The following HSF4 variants were observed in gnomAD, a reference collection of about 807,000 sequenced individuals.
HSF4 encodes the protein heat shock factor protein 4.
Under a neutral mutation model 52.0 loss-of-function variants are expected in HSF4, and 41 were observed. The observed-to-expected ratio is 0.79, with a 90% CI of 0.61 to 1.02. The LOEUF (loss-of-function observed/expected upper bound fraction) is 1.02. Ranked by LOEUF, HSF4 falls within the 50% of genes least tolerant of loss-of-function variation. The pLI, the probability that HSF4 is intolerant of heterozygous loss-of-function variation, is 0.00. For synonymous variants in HSF4, 285 were observed against 273.0 expected (o/e 1.04, Z -0.43); for missense variants, 610 against 651.1 (o/e 0.94, Z 0.69).
chr16:67,167,312 A>T (rs770957045), intron 7 of HSF4, 90 bp downstream of exon 7: 3 of 1,609,332 alleles, frequency 1.9e-6, no homozygotes, highest in Non-Finnish European at 2.5e-6. Context: ...GGAAGAGAAG[A>T]TGGAAGCCAG....
Position 67,166,080 on chromosome 16 carries a change from C to A in HSF4, c.485+10C>A, listed in dbSNP as rs1180704981. ...TGCGGGAGCTCAGGCAGTGCGGGGG[C>A]GGGCGGGGAAAGAGGGGACAGGGGT... On this transcript the variant is annotated intron_variant, in intron 4 of 12. Transcript: ENST00000521374. The A allele has an allele frequency of 9.9e-6, 3 of 301,540 alleles. No homozygotes were observed. The highest frequency in any genetic ancestry group is 1.6e-5 in the Non-Finnish European group (3 of 186,854). The allele number at this position is 301,540 out of a possible 1,614,324, so 18.7% of individuals were successfully genotyped here.
intron 9 of HSF4, 38 bp downstream of exon 9, chr16:67,167,985 A>G: frequency 6.7e-7 from 1 of 1,481,870 alleles, no homozygotes; most frequent in Non-Finnish European, 9.2e-7. Context: ...GCCCTGTGAT[A>G]GAACAGCCCT....
chr16:67,168,856 G>C lies in HSF4; in HGVS notation c.1108G>C (p.Asp370His), dbSNP rs1314914587. ...DRGPLGLESG[D>H]RSPESLLPPM... is the part of the protein sequence containing the mutation. ...GGGGCCTCTGGGCCTGGAAAGCGGG[G>C]ACAGGAGCCCAGAGAGTCTGCTGCC... Residue 370 changes from aspartate (D) to histidine (H), a missense_variant, in exon 10 of 13, where the codon GAC becomes CAC. Physicochemically the swap from Asp to His is moderately conservative, Grantham distance 81. Coordinates refer to ENST00000521374, the MANE Select transcript of HSF4 (RefSeq NM_001374675.1). 1.9e-6 allele frequency: 3 copies of C among 1,613,944 alleles called. No homozygotes were observed. Among genetic ancestry groups the C allele is most frequent in the South Asian group, 2.2e-5 (2 of 91,086 alleles).
Position 67,167,505 on chromosome 16 carries a change from C to G in HSF4, c.760C>G (p.Pro254Ala), listed in dbSNP as rs2031392559. The change falls in exon 8 of 13, where the codon CCT becomes GCT. Residue 254 changes from proline to alanine, a missense_variant. By Grantham distance (27) the Pro-to-Ala change is conservative. Transcript: ENST00000521374. ...PLPETNLGLSPHRARGPIISD... is the reference protein window; with the variant it reads ...PLPETNLGLSAHRARGPIISD... ...CCCAGAGACAAATTTGGGCCTTAGCCCTCACAGGGCCAGGGGCCCCATCAT... is the reference window on the plus strand; with the variant it reads ...CCCAGAGACAAATTTGGGCCTTAGCGCTCACAGGGCCAGGGGCCCCATCAT... 3 of 1,613,690 alleles carry G rather than the reference C, an allele frequency of 1.9e-6. No homozygotes were observed. The highest frequency in any genetic ancestry group is 2.5e-6 in the Non-Finnish European group (3 of 1,180,044).
At chr16:67,167,439 A>G in intron 7 of HSF4, 36 bp from the exon 8 acceptor site, 11 of 1,613,702 alleles carry the variant, frequency 6.8e-6, no homozygotes, top group Non-Finnish European at 8.5e-6. Flanking sequence ...CCCTGTGCCT[A>G]CAGGCCAAGG....
rs1350038664 is a variant in HSF4 at position 67,164,934 on chromosome 16, G to T, written c.123G>T (p.Pro41=). 4.4e-6 allele frequency: 7 copies of T among 1,603,098 alleles called. No individual in the cohort carries two copies. Among genetic ancestry groups the T allele is most frequent in the Non-Finnish European group, 5.9e-6 (7 of 1,177,562 alleles). Residue 41 remains proline, a splice_region_variant and synonymous_variant, in exon 1 of 13, where the codon CCG becomes CCT. Coordinates refer to ENST00000521374, the MANE Select transcript of HSF4 (RefSeq NM_001374675.1). ...CAGACCACCTGATCCGCTGGAGCCCGGTGAGGGCCGGGGCCCCTCGATTCC... is the reference window on the plus strand; with the variant it reads ...CAGACCACCTGATCCGCTGGAGCCCTGTGAGGGCCGGGGCCCCTCGATTCC... ...PGTDHLIRWS[P]SGTSFLVSDQ...
At position 67,169,199 on chromosome 16, in the gene HSF4, G is replaced by C; in HGVS notation, c.1255-80G>C. ...GTGAGCCAAAGCCGTGTCTCTAGAA[G>C]AATTGTCACAGTGATTTCCCAGCTG... On this transcript the variant is annotated intron_variant, in intron 11 of 12. Transcript: ENST00000521374. This position sits in a 1 kb window ranked among gnomAD's most constrained non-coding sequence, Gnocchi z 4.3. 6.2e-7 allele frequency: 1 copy of C among 1,607,908 alleles called. No individual in the cohort carries two copies. The highest frequency in any genetic ancestry group is 8.5e-7 in the Non-Finnish European group (1 of 1,177,518).
In HSF4 at chr16:67,167,939, A is replaced by C; in HGVS notation, c.1074A>C (p.Ile358=). ...QQPEPGDPRE[I]PDRGPLGLES... ...CTGAACCAGGGGATCCCAGGGAGAT[A>C]CCTGACAGGTGAGCAGAGCCCCAGC... Residue 358 remains isoleucine (I), a synonymous_variant, in exon 9 of 13, where the codon ATA becomes ATC. Transcript: ENST00000521374. 6.3e-7 allele frequency: 1 copy of C among 1,592,028 alleles called. No homozygotes were observed. Among genetic ancestry groups the C allele is most frequent in the Non-Finnish European group, 8.5e-7 (1 of 1,174,828 alleles).
chr16:67,166,713 C>A, intron 6 of HSF4, 91 bp downstream of exon 6: 1 of 1,199,750 alleles, frequency 8.3e-7, no homozygotes, highest in Non-Finnish European at 1.2e-6. Context: ...GAAACTCCTT[C>A]ACCGGGAATC....
intron 5 of HSF4, 79 bp from the exon 6 acceptor site, chr16:67,166,479 G>C: frequency 6.2e-7 from 1 of 1,601,412 alleles, no homozygotes; most frequent in Non-Finnish European, 8.5e-7. Context: ...CCCCTGTTAA[G>C]CCTTCCTCCC....
upstream of HSF4, chr16:67,164,395 T>C (rs1443321392): frequency 2.1e-5 from 9 of 424,884 alleles, no homozygotes. Context: ...TCCTATCTGC[T>C]TGCCCTGCCT....
At chr16:67,168,054 C>T in intron 9 of HSF4, 107 bp downstream of exon 9, 2 of 958,122 alleles carry the variant, frequency 2.1e-6, no homozygotes, top group Middle Eastern at 2.1e-4. Context: ...GATTTCTTGG[C>T]CCCAGCATCA....
intron 10 of HSF4, 48 bp from the exon 11 acceptor site, chr16:67,168,986 GCT>G: frequency 6.2e-7 from 1 of 1,613,208 alleles, no homozygotes; most frequent in South Asian, 1.1e-5. Context: ...GTGGGGTCTA[GCT>G]CTCTGTGGAG....
Position 67,165,565 on chromosome 16 carries a change from AG to A in HSF4, c.169del (p.Glu57LysfsTer28). On this transcript the variant is annotated frameshift_variant, in exon 2 of 13. Transcript: ENST00000521374. LOFTEE classifies it high-confidence loss of function. This position sits in a 1 kb window ranked among gnomAD's most constrained non-coding sequence, Gnocchi z 6.9. ...GTAAGCGACCAGAGCCGTTTCGCCAAGGAAGTGCTGCCCCAGTATTTCAAGC... is the reference window on the plus strand; with the variant it reads ...GTAAGCGACCAGAGCCGTTTCGCCAAGAAGTGCTGCCCCAGTATTTCAAGC... ...FLVSDQSRFA[K>X]EVLPQYFKHS... The A allele has an allele frequency of 6.2e-7, 1 of 1,613,286 alleles. No individual in the cohort carries two copies. Among genetic ancestry groups the A allele is most frequent in the Non-Finnish European group, 8.5e-7 (1 of 1,179,900 alleles).
Position 67,167,886 on chromosome 16 carries a change from C to T in HSF4, c.1021C>T (p.Pro341Ser), listed in dbSNP as rs1043958249. The change falls in exon 9 of 13, where the codon CCC becomes TCC. Residue 341 changes from proline (P) to serine (S), a missense_variant. By Grantham distance (74) the Pro-to-Ser change is moderately conservative (BLOSUM62 -1). Transcript: ENST00000521374. Reference sequence around the variant, plus strand: ...CCTGGAAGGGAAAGGGAGCTTCAGCCCCGAGGGGCCCAGGAATGCCCAACA... The same window carrying T: ...CCTGGAAGGGAAAGGGAGCTTCAGCTCCGAGGGGCCCAGGAATGCCCAACA... ...AILEGKGSFS[P>S]EGPRNAQQPE... is the part of the protein sequence containing the mutation. 2 of 1,606,090 alleles carry T rather than the reference C, an allele frequency of 1.2e-6. No individual in the cohort carries two copies. The highest frequency in any genetic ancestry group is 1.7e-6 in the Non-Finnish European group (2 of 1,177,832).
At chr16:67,164,672 C>A (rs2031105806), upstream of HSF4, 1 of 1,021,956 alleles carries the variant, frequency 9.8e-7, no homozygotes, top group Non-Finnish European at 1.4e-6. Flanking sequence ...CCCCGCCCCG[C>A]GGGCTTGCAC....
Position 67,165,903 on chromosome 16 carries a change from C to G in HSF4, c.361-43C>G. On this transcript the variant is annotated intron_variant, in intron 3 of 12. Transcript: ENST00000521374. The surrounding 1 kb of genome is among the most constrained non-coding windows in gnomAD (Gnocchi z 6.9). Reference sequence around the variant, plus strand: ...GAGGAGGGGTGCTGGGACTGCCTGCCTTGCTCCTGCGACCCAGTCCCGACG... The same window carrying G: ...GAGGAGGGGTGCTGGGACTGCCTGCGTTGCTCCTGCGACCCAGTCCCGACG... 1.3e-6 allele frequency: 2 copies of G among 1,592,944 alleles called. No homozygotes were observed. The highest frequency in any genetic ancestry group is 1.7e-6 in the Non-Finnish European group (2 of 1,177,108).
In HSF4 at chr16:67,169,892, C is replaced by A; in HGVS notation, c.*107C>A. On this transcript the variant is annotated 3_prime_UTR_variant, in exon 13 of 13. Transcript: ENST00000521374. The surrounding 1 kb of genome is among the most constrained non-coding windows in gnomAD (Gnocchi z 4.3). ...GAGCGAAGCCCCCACTACTAAATGG[C>A]CTCTCTCCACTACCCCGACTATCCC... 1 of 1,135,382 alleles carries A rather than the reference C, an allele frequency of 8.8e-7. No homozygotes were observed. Among genetic ancestry groups the A allele is most frequent in the Non-Finnish European group, 1.3e-6 (1 of 753,568 alleles). 70.3% of individuals were successfully genotyped at this position (1,135,382 alleles called of 1,614,324 possible). A position where few individuals can be genotyped will look rare whatever the true frequency, so the allele number is the denominator to read the frequency against.
At chr16:67,168,580 C>T (rs1402719304) in intron 9 of HSF4, among the ~76,000 whole-genome samples, 1 of 152,110 alleles carries the variant, frequency 6.6e-6, no homozygotes, top group African/African-American at 2.4e-5. Context: ...GATATTGATA[C>T]TTGCATAGGG....
Sources: allele counts gnomAD v4.1 joint callset (sites outside exome capture counted in the v4.1 genomes callset), GRCh38; gene constraint gnomAD v4.1.1; non-coding constraint Gnocchi (gnomAD v3.1); transcripts MANE v1.5; gene names NCBI Gene and HGNC (gene_info 2026-07-23, HGNC 2026-07-21).